The following DNAH7 variants were observed in gnomAD, a reference collection of about 807,000 sequenced individuals.
DNAH7 encodes dynein axonemal heavy chain 7, also known as axonemal beta dynein heavy chain 7.
DNAH7 carries 397 observed loss-of-function variants against 444.6 expected under a neutral mutation model. That is an observed-to-expected ratio of 0.89 (90% CI 0.82 to 0.97). DNAH7 has a LOEUF of 0.97. Ranked by LOEUF, DNAH7 falls within the 50% of genes least tolerant of loss-of-function variation. DNAH7 has a pLI of 0.00. For missense variants in DNAH7, 4,902 were observed against 4,800.8 expected, an observed-to-expected ratio of 1.02 and a Z score of -0.62; for synonymous variants, 1,636 against 1,624.4, an observed-to-expected ratio of 1.01 and a Z score of -0.17.
intron 58 of DNAH7, among the ~76,000 whole-genome samples, chr2:195,779,228 A>G (rs1391161353): frequency 1.3e-5 from 2 of 152,214 alleles, no homozygotes; most frequent in Non-Finnish European, 2.9e-5. Flanking sequence ...TATTTTAATA[A>G]CTGTTTTCTA....
chr2:195,874,772 T>A (rs551806895), intron 38 of DNAH7, among the ~76,000 whole-genome samples: 2 of 152,186 alleles, frequency 1.3e-5, no homozygotes, highest in Admixed American at 6.6e-5. Context: ...CCGTGAGCTA[T>A]GATCACACCA....
At chr2:195,834,172 T>A (rs771968190) in intron 48 of DNAH7, 34 bp downstream of exon 48, 2 of 1,577,688 alleles carry the variant, frequency 1.3e-6, no homozygotes, top group Non-Finnish European at 1.7e-6. Flanking sequence ...CTCCAGGCAG[T>A]TCTGTAATGT....
At chr2:195,956,095 A>G (rs1447962076) in intron 19 of DNAH7, among the ~76,000 whole-genome samples, 2 of 152,170 alleles carry the variant, frequency 1.3e-5, no homozygotes, top group Non-Finnish European at 2.9e-5. Context: ...ATATTTTCCT[A>G]TCAGATCATA....
chr2:196,000,627 G>T, intron 12 of DNAH7, 77 bp downstream of exon 12: 2 of 1,202,966 alleles, frequency 1.7e-6, no homozygotes, highest in Non-Finnish European at 2.2e-6. Context: ...GAGGATACCT[G>T]CCTTCAACTT....
intron 5 of DNAH7, among the ~76,000 whole-genome samples, chr2:196,043,422 G>A (rs1448934135): frequency 6.6e-6 from 1 of 152,042 alleles, no homozygotes; most frequent in East Asian, 1.9e-4. Context: ...ACCCAAGATG[G>A]ATCAAAGACT....
intron 19 of DNAH7, among the ~76,000 whole-genome samples, chr2:195,945,413 A>C (rs1689731918): frequency 6.6e-6 from 1 of 152,110 alleles, no homozygotes; most frequent in Non-Finnish European, 1.5e-5. Flanking sequence ...GCCTCATAAT[A>C]CCTATAAAAC....
chr2:196,020,951 G>A (rs1478475504), intron 8 of DNAH7, among the ~76,000 whole-genome samples: 1 of 152,118 alleles, frequency 6.6e-6, no homozygotes, highest in Admixed American at 6.6e-5. Context: ...AAATAAAACT[G>A]AAGTGGTTAT....
chr2:196,053,761 C>T (rs1255559944), intron 2 of DNAH7, among the ~76,000 whole-genome samples: 1 of 152,184 alleles, frequency 6.6e-6, no homozygotes, highest in Admixed American at 6.5e-5. Flanking sequence ...CCTCAACATA[C>T]TCCAAACTAT....
chr2:195,914,363 G>A (rs1434739014), intron 24 of DNAH7, among the ~76,000 whole-genome samples: 1 of 152,104 alleles, frequency 6.6e-6, no homozygotes, highest in Non-Finnish European at 1.5e-5. Context: ...AACTGTAAAG[G>A]GATTCCTATA....
At chr2:195,950,851 C>CAAAAAAAAAA (rs67782183) in intron 19 of DNAH7, among the ~76,000 whole-genome samples, 8 of 36,714 alleles carry the variant, frequency 2.2e-4, no homozygotes, top group African/African-American at 7.6e-4. Flanking sequence ...GACTCTGTCT[C>CAAAAAAAAAA]AAAAAAAAAA....
chr2:195,875,158 T>C (rs572592393), intron 38 of DNAH7, among the ~76,000 whole-genome samples: 25 of 152,362 alleles, frequency 1.6e-4, no homozygotes, highest in Admixed American at 1.6e-3. Flanking sequence ...GGCCATTCCC[T>C]ACTTAAATTC....
At chr2:195,994,590 G>T (rs974899884) in intron 12 of DNAH7, 1 of 490,216 alleles carries the variant, frequency 2.0e-6, no homozygotes, top group Non-Finnish European at 4.0e-6. Flanking sequence ...CATCTCTTCC[G>T]GACAGGAGTA....
intron 51 of DNAH7, 118 bp from the exon 52 acceptor site, chr2:195,809,989 A>C: frequency 2.5e-5 from 18 of 734,088 alleles, no homozygotes; most frequent in East Asian, 8.7e-5. Flanking sequence ...CCCCCAAACA[A>C]TCAAGAATCC....
At chr2:195,958,250 G>A (rs1690831967) in intron 18 of DNAH7, among the ~76,000 whole-genome samples, 1 of 152,018 alleles carries the variant, frequency 6.6e-6, no homozygotes, top group Admixed American at 6.6e-5. Flanking sequence ...AGTATACTTG[G>A]CATGAAGATG....
intron 20 of DNAH7, among the ~76,000 whole-genome samples, chr2:195,935,746 G>A (rs1296788030): frequency 6.6e-6 from 1 of 152,138 alleles, no homozygotes; most frequent in Non-Finnish European, 1.5e-5. Context: ...ATGGTGGTCA[G>A]GGAGGGCCTC....
At position 195,737,904 on chromosome 2, in the gene DNAH7, G is replaced by C. The variant is rs56038836; in HGVS notation, c.*17C>G. 1.2e-6 allele frequency: 2 copies of C among 1,608,826 alleles called. No homozygotes were observed. The highest frequency in any genetic ancestry group is 1.7e-6 in the Non-Finnish European group (2 of 1,175,802). ...CCAGCCAACAAGAAATAGGAACAAG[G>C]AAATGATGTCTTCTGGTTATGAATT... On this transcript the variant is annotated 3_prime_UTR_variant, in exon 65 of 65. Coordinates refer to ENST00000312428, the MANE Select transcript of DNAH7 (RefSeq NM_018897.3).
chr2:195,835,290 T>TA (rs1181590809), intron 47 of DNAH7, among the ~76,000 whole-genome samples: 74 of 107,160 alleles, frequency 6.9e-4, no homozygotes, highest in Middle Eastern at 8.1e-3. Flanking sequence ...TGAAATTAAG[T>TA]AAAAAAAAAC....
Position 196,024,511 on chromosome 2 carries a change from G to C in DNAH7, c.668-7C>G. 1 of 1,534,438 alleles carries C rather than the reference G, an allele frequency of 6.5e-7. No homozygotes were observed. On this transcript the variant is annotated splice_region_variant and splice_polypyrimidine_tract_variant and intron_variant, in intron 7 of 64. Transcript: ENST00000312428. ...TCTTTTAAAACAAAATCAACTAAAA[G>C]AAAATTTTAAAATTCTGATAAATAA...
intron 19 of DNAH7, among the ~76,000 whole-genome samples, chr2:195,937,054 TGAGA>T (rs767371567): frequency 6.6e-5 from 10 of 151,670 alleles, no homozygotes; most frequent in African/African-American, 2.2e-4. Context: ...AAACAGAAAA[TGAGA>T]GAGAGAGAAC....
Sources: gnomAD v4.1 joint callset for allele counts (sites outside exome capture counted in the v4.1 genomes callset) on GRCh38, gnomAD v4.1.1 for gene constraint, MANE v1.5 for transcripts, NCBI Gene and HGNC (gene_info 2026-07-23, HGNC 2026-07-21) for gene names.